The following TENM2 variants were observed in gnomAD, a reference collection of about 807,000 sequenced individuals.
The protein encoded by TENM2 is teneurin transmembrane protein 2, also known as teneurin-2.
A neutral mutation model predicts 245.2 loss-of-function variants in TENM2; 52 were observed. The ratio of observed to expected loss-of-function variants is 0.21; its 90% CI spans 0.17 to 0.27. The LOEUF (loss-of-function observed/expected upper bound fraction) is 0.27. Ranked by LOEUF, TENM2 falls within the 10% of genes least tolerant of loss-of-function variation. The pLI, the probability that TENM2 is intolerant of heterozygous loss-of-function variation, is 1.00. For missense variants in TENM2, 3,046 were observed against 3,666.8 expected, an observed-to-expected ratio of 0.83 and a Z score of 4.37; for synonymous variants, 1,363 against 1,438.9, an observed-to-expected ratio of 0.95 and a Z score of 1.19.
At chr5:168,015,925 A>T (rs1488686694) in intron 5 of TENM2, among the ~76,000 whole-genome samples, 1 of 152,208 alleles carries the variant, frequency 6.6e-6, no homozygotes, top group African/African-American at 2.4e-5. Flanking sequence ...GGGAAAACCA[A>T]GTCTTAGAAA....
intron 2 of TENM2, among the ~76,000 whole-genome samples, chr5:167,671,273 A>C (rs1755926467): frequency 6.6e-6 from 1 of 152,178 alleles, no homozygotes; most frequent in African/African-American, 2.4e-5. Flanking sequence ...TAAATGGAGA[A>C]GCATTTGAGA....
At chr5:167,236,956 A>G in the TENM2 span, among the ~76,000 whole-genome samples, 452 of 149,720 alleles carry the variant, frequency 3.0e-3, 5 homozygotes, top group African/African-American at 0.01. Context: ...TCTTTTTCCT[A>G]AGTAAATGTT....
the TENM2 span, among the ~76,000 whole-genome samples, chr5:166,981,929 G>A: frequency 2.0e-5 from 3 of 152,044 alleles, no homozygotes; most frequent in South Asian, 2.1e-4. Flanking sequence ...CTCTTACATC[G>A]TTTGGTGTGG....
At chr5:167,363,184 G>A (rs982301734) in intron 1 of TENM2, among the ~76,000 whole-genome samples, 1 of 152,160 alleles carries the variant, frequency 6.6e-6, no homozygotes, top group Non-Finnish European at 1.5e-5. Context: ...CCCACAGTAG[G>A]TTTTCATTGT....
At chr5:167,923,614 A>C (rs752669939) in intron 3 of TENM2, among the ~76,000 whole-genome samples, 2 of 152,174 alleles carry the variant, frequency 1.3e-5, no homozygotes, top group African/African-American at 2.4e-5. Context: ...TCTGGTCTGC[A>C]TGGTAAATGA....
chr5:168,149,502 G>C (rs1168024453), intron 12 of TENM2: 16 of 392,904 alleles, frequency 4.1e-5, no homozygotes, highest in South Asian at 2.5e-4. Context: ...CCCTTTCCGA[G>C]GCATGTTAGG....
chr5:168,257,936 T>G (rs1435103901), intron 27 of TENM2, among the ~76,000 whole-genome samples: 1 of 152,038 alleles, frequency 6.6e-6, no homozygotes, highest in Non-Finnish European at 1.5e-5. Context: ...AAAGGCTCAC[T>G]CAGGTTGCTG....
At chr5:167,457,636 A>G (rs1225218182) in intron 2 of TENM2, among the ~76,000 whole-genome samples, 3 of 151,968 alleles carry the variant, frequency 2.0e-5, no homozygotes, top group Non-Finnish European at 2.9e-5. Flanking sequence ...ATGAGCTACC[A>G]CGCCCGACCA....
At position 167,694,646 on chromosome 5, in the gene TENM2, A is replaced by G. The variant is rs191216838; in HGVS notation, c.503-181340A>G. ...TTAGTGGAAAAAGTCTGGTTGGTGC[A>G]TTCTGAGCCTGCTAATCATTTCTTT... On this transcript the variant is annotated intron_variant, in intron 2 of 28. Transcript: ENST00000518659. Among the ~76,000 whole-genome samples the G allele has an allele frequency of 1.1e-4, 16 of 152,262 alleles. No individual in the cohort carries two copies. In the East Asian group the frequency reaches 2.9e-3, roughly 28 times the overall value.
At chr5:167,331,910 C>T (rs1439607461) in intron 1 of TENM2, among the ~76,000 whole-genome samples, 3 of 152,180 alleles carry the variant, frequency 2.0e-5, no homozygotes, top group Admixed American at 1.3e-4. Flanking sequence ...GCATTAAATA[C>T]TGTATTTACG....
intron 2 of TENM2, among the ~76,000 whole-genome samples, chr5:167,525,885 G>A (rs1023416362): frequency 6.6e-6 from 1 of 152,036 alleles, no homozygotes; most frequent in Non-Finnish European, 1.5e-5. Context: ...GACACTATTA[G>A]AAAAATGTAG....
intron 1 of TENM2, among the ~76,000 whole-genome samples, chr5:167,311,121 A>T (rs893542638): frequency 3.1e-4 from 47 of 152,204 alleles, no homozygotes; most frequent in African/African-American, 1.1e-3. Flanking sequence ...GGACATTTGA[A>T]CATGACTGCA....
At chr5:168,203,751 C>A in exon 18 of TENM2, 1 of 1,613,458 alleles carries the variant, frequency 6.2e-7, no homozygotes, top group African/African-American at 1.3e-5. Context: ...AAGGACAGCC[C>A]TCCTTCAGGG....
At chr5:167,500,900 C>T (rs1203725963) in intron 2 of TENM2, among the ~76,000 whole-genome samples, 1 of 152,038 alleles carries the variant, frequency 6.6e-6, no homozygotes. Context: ...TAAATGTCCT[C>T]CTTAGTTTGA....
the TENM2 span, among the ~76,000 whole-genome samples, chr5:167,219,853 A>G: frequency 6.6e-6 from 1 of 152,234 alleles, no homozygotes; most frequent in Non-Finnish European, 1.5e-5. Context: ...CTTTCAACAC[A>G]CCTTTCAACT....
intron 2 of TENM2, among the ~76,000 whole-genome samples, chr5:167,700,272 C>T (rs549953344): frequency 6.6e-6 from 1 of 152,250 alleles, no homozygotes; most frequent in South Asian, 2.1e-4. Flanking sequence ...AGAGGTCATA[C>T]ATGATATACA....
intron 5 of TENM2, among the ~76,000 whole-genome samples, chr5:168,041,335 C>T (rs931822538): frequency 1.3e-5 from 2 of 152,096 alleles, no homozygotes; most frequent in African/African-American, 4.8e-5. Context: ...AGTAAACGTT[C>T]ATCTTCTTCA....
intron 2 of TENM2, among the ~76,000 whole-genome samples, chr5:167,699,596 C>T (rs1201441668): frequency 1.3e-5 from 2 of 152,166 alleles, no homozygotes; most frequent in Non-Finnish European, 2.9e-5. Flanking sequence ...AGAACTAGAA[C>T]AATGCCCTGC....
At chr5:167,465,908 TA>T (rs1169451527) in intron 2 of TENM2, among the ~76,000 whole-genome samples, 1 of 152,154 alleles carries the variant, frequency 6.6e-6, no homozygotes, top group Non-Finnish European at 1.5e-5. Context: ...GTATGGGATG[TA>T]TCAGTATCTG....
Sources: gnomAD v4.1 joint callset for allele counts (sites outside exome capture counted in the v4.1 genomes callset) on GRCh38, gnomAD v4.1.1 for gene constraint, MANE v1.5 for transcripts, NCBI Gene and HGNC (gene_info 2026-07-23, HGNC 2026-07-21) for gene names.